Variants in SMYD3 observed in about 807,000 individuals in gnomAD.
The protein encoded by SMYD3 is SET and MYND domain containing 3.
In SMYD3, 36 loss-of-function variants were observed where a neutral mutation model predicts 57.7. That is an observed-to-expected ratio of 0.62 (90% confidence interval 0.48 to 0.82). The LOEUF (loss-of-function observed/expected upper bound fraction) is 0.82. SMYD3 is among the 40% of genes least tolerant of loss of function. The pLI, the probability that SMYD3 is intolerant of heterozygous loss-of-function variation, is 0.00. For missense variants in SMYD3, 515 were observed against 538.8 expected, an observed-to-expected ratio of 0.96 and a Z score of 0.44; for synonymous variants, 211 against 195.0, an observed-to-expected ratio of 1.08 and a Z score of -0.68.
intron 1 of SMYD3, among the ~76,000 whole-genome samples, chr1:246,449,038 G>A (rs961683570): frequency 1.3e-5 from 2 of 151,992 alleles, no homozygotes; most frequent in African/African-American, 4.8e-5. Flanking sequence ...GATGAGCCTG[G>A]GAAACATAGT....
chr1:246,448,380 A>G (rs2067578320), intron 1 of SMYD3, among the ~76,000 whole-genome samples: 1 of 152,132 alleles, frequency 6.6e-6, no homozygotes, highest in Non-Finnish European at 1.5e-5. Flanking sequence ...TCCAAAAGTC[A>G]ACTGTCATTA....
chr1:246,094,981 C>T lies in SMYD3; in HGVS notation c.532-165044G>A, dbSNP rs138074952. 9.5e-4 allele frequency among the ~76,000 whole-genome samples: 145 copies of T among 152,268 alleles called. 2 individuals are homozygous for T. The highest frequency in any genetic ancestry group is 3.2e-3 in the African/African-American group (133 of 41,544). ...GCCCCGCATTGGTATCTCTATTAGA[C>T]CCTCTGCCCCTCCCAGTGACGTCTT... On this transcript the variant is annotated intron_variant, in intron 5 of 11. Transcript: ENST00000490107.
intron 5 of SMYD3, among the ~76,000 whole-genome samples, chr1:245,982,190 G>A (rs991543329): frequency 1.3e-5 from 2 of 152,132 alleles, no homozygotes; most frequent in Non-Finnish European, 2.9e-5. Flanking sequence ...GCTGGAGTGC[G>A]GTAGCATGAT....
intron 1 of SMYD3, among the ~76,000 whole-genome samples, chr1:246,358,471 G>T (rs1572416657): frequency 6.6e-6 from 1 of 152,070 alleles, no homozygotes; most frequent in Non-Finnish European, 1.5e-5. Context: ...GGACTTAACA[G>T]ATATTTACAG....
intron 5 of SMYD3, among the ~76,000 whole-genome samples, chr1:246,308,386 T>A (rs1213432646): frequency 6.6e-6 from 1 of 152,100 alleles, no homozygotes; most frequent in Non-Finnish European, 1.5e-5. Flanking sequence ...GTCCACTTTT[T>A]CAATATGCCA....
chr1:246,052,945 TAAATG>T (rs2148331062), intron 5 of SMYD3: 1 of 152,322 alleles, frequency 6.6e-6, no homozygotes, highest in Admixed American at 6.5e-5. Flanking sequence ...GATCTCTAAA[TAAATG>T]AAAGGGCCAG....
At chr1:246,357,279 C>G (rs2065922600) in intron 1 of SMYD3, among the ~76,000 whole-genome samples, 1 of 152,104 alleles carries the variant, frequency 6.6e-6, no homozygotes, top group Non-Finnish European at 1.5e-5. Flanking sequence ...AGTAAGGAAG[C>G]CTGCTAAAAC....
At chr1:246,015,804 C>G (rs2059366675) in intron 5 of SMYD3, among the ~76,000 whole-genome samples, 1 of 152,184 alleles carries the variant, frequency 6.6e-6, no homozygotes. Context: ...ATATGTGGCA[C>G]ACATTTTGTA....
rs569078524 is a variant in SMYD3 at position 246,019,301 on chromosome 1, C to T, written c.532-89364G>A. 5.9e-5 allele frequency among the ~76,000 whole-genome samples: 9 copies of T among 152,318 alleles called. No individual in the cohort carries two copies. The South Asian group carries it at 8.3e-4, about 14-fold the overall frequency. ...CCTACAATGCACAAGACAGCCCCCA[C>T]GACCAAAGGTTATCCAGCCCAAAAT... On this transcript the variant is annotated intron_variant, in intron 5 of 11. Coordinates refer to ENST00000490107, the MANE Select transcript of SMYD3 (RefSeq NM_001167740.2).
intron 1 of SMYD3, among the ~76,000 whole-genome samples, chr1:246,501,599 C>T (rs377527665): frequency 2.9e-4 from 44 of 152,294 alleles, no homozygotes; most frequent in African/African-American, 9.1e-4. Context: ...ACCTTCCTTA[C>T]GACCTCATTC....
intron 5 of SMYD3, among the ~76,000 whole-genome samples, chr1:246,153,245 C>T (rs2061971698): frequency 6.6e-6 from 1 of 152,132 alleles, no homozygotes; most frequent in Non-Finnish European, 1.5e-5. Context: ...CCTTTAAACT[C>T]TCCCCACTTT....
intron 1 of SMYD3, among the ~76,000 whole-genome samples, chr1:246,474,387 C>A (rs1303288729): frequency 6.6e-6 from 1 of 151,972 alleles, no homozygotes; most frequent in Non-Finnish European, 1.5e-5. Context: ...GGCGTGGTGG[C>A]ACGTGCCTAT....
In SMYD3 at chr1:246,335,470, TTTTTCTATTAAAACAAGAGTGGGGAGAA is replaced by T; in HGVS notation, c.229-24_232del. On this transcript the variant is annotated splice_acceptor_variant and splice_polypyrimidine_tract_variant and coding_sequence_variant and intron_variant, in exon 3 of 12. Transcript: ENST00000490107. LOFTEE classifies it high-confidence loss of function. The stretch of plus-strand genomic sequence containing the variant: ...TTCCCGCTTGTGGTCTGGCCAAGCT[TTTTTCTATTAAAACAAGAGTGGGGAGAA>T]CATAGGTGACCTAAAATTTAACTTT... 6.2e-7 allele frequency: 1 copy of T among 1,614,068 alleles called. No individual in the cohort carries two copies. Among genetic ancestry groups the T allele is most frequent in the Non-Finnish European group, 8.5e-7 (1 of 1,179,960 alleles).
chr1:245,909,129 C>G (rs2054787512), intron 8 of SMYD3, among the ~76,000 whole-genome samples: 1 of 152,038 alleles, frequency 6.6e-6, no homozygotes, highest in South Asian at 2.1e-4. Context: ...GGACATTATA[C>G]CAGATTCCCC....
At chr1:246,273,058 G>C (rs1424007061) in intron 5 of SMYD3, among the ~76,000 whole-genome samples, 1 of 139,884 alleles carries the variant, frequency 7.1e-6, no homozygotes, top group East Asian at 2.0e-4. Context: ...TATTCAATTT[G>C]TTGTCATACA....
chr1:246,140,507 C>T (rs1408085618), intron 5 of SMYD3, among the ~76,000 whole-genome samples: 1 of 152,234 alleles, frequency 6.6e-6, no homozygotes, highest in Non-Finnish European at 1.5e-5. Context: ...TGTCCACCAT[C>T]TTCATTGAAG....
At chr1:246,465,291 C>A (rs577648956) in intron 1 of SMYD3, among the ~76,000 whole-genome samples, 1 of 152,128 alleles carries the variant, frequency 6.6e-6, no homozygotes, top group Non-Finnish European at 1.5e-5. Flanking sequence ...CAAAATAATT[C>A]GGATTCTCTT....
At chr1:245,826,653 T>G (rs1019396408) in intron 10 of SMYD3, among the ~76,000 whole-genome samples, 4 of 152,228 alleles carry the variant, frequency 2.6e-5, no homozygotes, top group Non-Finnish European at 5.9e-5. Context: ...TATGAAGAAC[T>G]GCCTGAGACT....
At chr1:246,091,066 G>T (rs1432025361) in intron 5 of SMYD3, among the ~76,000 whole-genome samples, 1 of 152,138 alleles carries the variant, frequency 6.6e-6, no homozygotes, top group Non-Finnish European at 1.5e-5. Flanking sequence ...TATCAAATCA[G>T]TAACAGGCAT....
Sources: gnomAD v4.1 joint callset for allele counts (sites outside exome capture counted in the v4.1 genomes callset) on GRCh38, gnomAD v4.1.1 for gene constraint, MANE v1.5 for transcripts, NCBI Gene and HGNC (gene_info 2026-07-23, HGNC 2026-07-21) for gene names.